The following DTNB variants were observed in gnomAD, a reference collection of about 807,000 sequenced individuals.
DTNB encodes the protein dystrobrevin beta.
DTNB carries 63 observed loss-of-function variants against 90.7 expected under a neutral mutation model. The ratio of observed to expected loss-of-function variants is 0.69; its 90% confidence interval spans 0.57 to 0.86. DTNB has a LOEUF of 0.86. DTNB is among the 40% of genes least tolerant of loss of function. DTNB has a pLI of 0.00. For missense variants in DTNB, 744 were observed against 807.1 expected, an observed-to-expected ratio of 0.92 and a Z score of 0.95; for synonymous variants, 277 against 286.7, an observed-to-expected ratio of 0.97 and a Z score of 0.34.
intron 16 of DTNB, among the ~76,000 whole-genome samples, chr2:25,408,168 G>C (rs1279840927): frequency 6.6e-6 from 1 of 151,998 alleles, no homozygotes; most frequent in Non-Finnish European, 1.5e-5. Flanking sequence ...AATTAGCCGG[G>C]TGTAGTGGTG....
chr2:25,492,584 C>CTGGGTGCAG lies in DTNB; in HGVS notation c.1002-9720_1002-9712dup, dbSNP rs2067788594. ...AAAGTTTTAAAGATGAAGGAGTAGG[C>CTGGGTGCAG]TGGGTGCAGTGGCTCACACCTGTAA... On this transcript the variant is annotated intron_variant, in intron 9 of 20. Transcript: ENST00000406818. 3.3e-5 allele frequency among the ~76,000 whole-genome samples: 5 copies of CTGGGTGCAG among 152,210 alleles called. No individual in the cohort carries two copies. The South Asian group carries it at 1.0e-3, about 32-fold the overall frequency.
At chr2:25,558,794 C>T (rs1292789822) in intron 8 of DTNB, among the ~76,000 whole-genome samples, 2 of 152,212 alleles carry the variant, frequency 1.3e-5, no homozygotes, top group African/African-American at 4.8e-5. Flanking sequence ...ACATCCCAAG[C>T]AACCTACTGA....
intron 11 of DTNB, among the ~76,000 whole-genome samples, chr2:25,453,014 G>T (rs1250561066): frequency 6.6e-6 from 1 of 151,674 alleles, no homozygotes; most frequent in African/African-American, 2.4e-5. Context: ...AAAGGTATTT[G>T]TCTGAAATAA....
intron 16 of DTNB, among the ~76,000 whole-genome samples, chr2:25,388,841 T>G (rs894383497): frequency 2.6e-5 from 4 of 152,036 alleles, no homozygotes; most frequent in African/African-American, 9.7e-5. Context: ...TATGTATATA[T>G]TTATATACGT....
chr2:25,521,873 G>A (rs929100568), intron 9 of DTNB, among the ~76,000 whole-genome samples: 19 of 152,214 alleles, frequency 1.2e-4, no homozygotes, highest in South Asian at 2.1e-4. Context: ...TGTGTGCAGC[G>A]GAAGACACTG....
At chr2:25,383,693 G>A in intron 19 of DTNB, 143 bp downstream of exon 19, 1 of 1,534,600 alleles carries the variant, frequency 6.5e-7, no homozygotes, top group Non-Finnish European at 8.7e-7. Flanking sequence ...CTGTCAGATG[G>A]GAAAAGTAGG....
rs142119761 is a variant in DTNB, at chr2:25,521,581, G to A, written c.1001+9892C>T. On this transcript the variant is annotated intron_variant, in intron 9 of 20. Coordinates refer to ENST00000406818, the MANE Select transcript of DTNB (RefSeq NM_021907.5). ...ATTTTTTTAGGAGAGACGGGGTTTCGCTATGTTGGCCATGGTGGTCTTGAA... is the reference window on the plus strand; with the variant it reads ...ATTTTTTTAGGAGAGACGGGGTTTCACTATGTTGGCCATGGTGGTCTTGAA... Among the ~76,000 whole-genome samples, 645 of 151,746 alleles carry A rather than the reference G, an allele frequency of 4.3e-3. 4 individuals carry two copies. Among genetic ancestry groups the A allele is most frequent in the African/African-American group, 0.015 (606 of 41,324 alleles).
At chr2:25,569,303 G>C (rs1456916648) in intron 8 of DTNB, among the ~76,000 whole-genome samples, 1 of 152,130 alleles carries the variant, frequency 6.6e-6, no homozygotes, top group Non-Finnish European at 1.5e-5. Flanking sequence ...AGAGTCACTG[G>C]AACACCACAG....
At chr2:25,586,866 A>G (rs1458881789) in intron 6 of DTNB, among the ~76,000 whole-genome samples, 1 of 152,232 alleles carries the variant, frequency 6.6e-6, no homozygotes, top group African/African-American at 2.4e-5. Context: ...AAAACAGGTT[A>G]CTCAAAACAA....
chr2:25,639,182 T>G (rs745666371), intron 2 of DTNB, 88 bp from the exon 3 acceptor site: 1 of 1,292,424 alleles, frequency 7.7e-7, no homozygotes, highest in African/African-American at 1.5e-5. Flanking sequence ...TGTATTGTCA[T>G]AGTATACCAG....
chr2:25,666,446 C>A (rs547676197), intron 1 of DTNB, among the ~76,000 whole-genome samples: 1 of 151,906 alleles, frequency 6.6e-6, no homozygotes, highest in East Asian at 1.9e-4. Context: ...GGAAACATTA[C>A]CACTCAGGAA....
intron 10 of DTNB, among the ~76,000 whole-genome samples, chr2:25,473,673 C>A (rs2063230844): frequency 6.6e-6 from 1 of 152,202 alleles, no homozygotes; most frequent in Non-Finnish European, 1.5e-5. Context: ...CTGGAAGAAT[C>A]TGGATGACAA....
chr2:25,385,233 TGAG>T (rs1263912880), intron 18 of DTNB, among the ~76,000 whole-genome samples: 1 of 152,186 alleles, frequency 6.6e-6, no homozygotes, highest in Non-Finnish European at 1.5e-5. Flanking sequence ...TTTATAAAGA[TGAG>T]GACTACAAGC....
chr2:25,519,955 C>T (rs1449240430), intron 9 of DTNB, among the ~76,000 whole-genome samples: 2 of 152,186 alleles, frequency 1.3e-5, no homozygotes, highest in Non-Finnish European at 2.9e-5. Context: ...TCACAATACA[C>T]ACTCAATAAA....
chr2:25,448,871 AAAAAGT>A (rs1362263776), intron 12 of DTNB, among the ~76,000 whole-genome samples: 3 of 151,966 alleles, frequency 2.0e-5, no homozygotes, highest in African/African-American at 7.2e-5. Flanking sequence ...AAAAAAAAAA[AAAAAGT>A]ATTTCATTTA....
intron 9 of DTNB, among the ~76,000 whole-genome samples, chr2:25,527,916 C>T (rs2077470017): frequency 6.6e-6 from 1 of 152,102 alleles, no homozygotes; most frequent in African/African-American, 2.4e-5. Context: ...GAATCACACA[C>T]TGGGTGATAA....
At chr2:25,608,607 C>T (rs1366584799) in intron 4 of DTNB, among the ~76,000 whole-genome samples, 1 of 152,116 alleles carries the variant, frequency 6.6e-6, no homozygotes, top group Non-Finnish European at 1.5e-5. Flanking sequence ...GTAAGAAAAG[C>T]TAGTGGTTAT....
At chr2:25,395,737 C>A (rs547271091) in intron 16 of DTNB, among the ~76,000 whole-genome samples, 1 of 152,136 alleles carries the variant, frequency 6.6e-6, no homozygotes, top group African/African-American at 2.4e-5. Context: ...GATAAAGGTA[C>A]TTCCAGTGAG....
At chr2:25,635,740 C>G (rs1036684197) in intron 3 of DTNB, among the ~76,000 whole-genome samples, 1 of 152,120 alleles carries the variant, frequency 6.6e-6, no homozygotes, top group African/African-American at 2.4e-5. Flanking sequence ...AATTGGCAAG[C>G]AGATTCTAAA....
Sources: allele counts gnomAD v4.1 joint callset (sites outside exome capture counted in the v4.1 genomes callset), GRCh38; gene constraint gnomAD v4.1.1; transcripts MANE v1.5; gene names NCBI Gene and HGNC (gene_info 2026-07-23, HGNC 2026-07-21).